DOCK4: variants seen among roughly 807,000 people sequenced by gnomAD.
DOCK4 encodes the protein dedicator of cytokinesis protein 4.
A neutral mutation model predicts 268.1 loss-of-function variants in DOCK4; 97 were observed. The ratio of observed to expected loss-of-function variants is 0.36; its 90% CI spans 0.31 to 0.43. The LOEUF is 0.43. Among genes scored for constraint, DOCK4 ranks in the 20% least tolerant of loss-of-function variants. DOCK4 has a pLI of 1.00. For synonymous variants in DOCK4, 954 were observed against 887.2 expected, an observed-to-expected ratio of 1.08 and a Z score of -1.34; for missense variants, 2,145 against 2,455.7, an observed-to-expected ratio of 0.87 and a Z score of 2.67.
At chr7:111,829,541 T>C (rs1802654518) in intron 26 of DOCK4, among the ~76,000 whole-genome samples, 1 of 152,204 alleles carries the variant, frequency 6.6e-6, no homozygotes, top group Non-Finnish European at 1.5e-5. Flanking sequence ...ATTATATTTA[T>C]TTACAAGAAT....
rs749475537 is a variant in DOCK4, at chr7:111,867,964, C to T, written c.2280+20G>A. 3.8e-6 allele frequency: 6 copies of T among 1,563,798 alleles called. No homozygotes were observed. In the Admixed American group the frequency reaches 1.2e-4, roughly 31 times the overall value. On this transcript the variant is annotated intron_variant, in intron 22 of 52. Transcript: ENST00000428084. ...GCACTTATCGTTTTCTTCTATTCAG[C>T]ATAGATGAAAAGAAATTACCTGTGA...
In DOCK4 at chr7:112,061,264, T is replaced by C. The variant is rs559368470; in HGVS notation, c.38-57133A>G. 5.9e-5 allele frequency among the ~76,000 whole-genome samples: 9 copies of C among 152,294 alleles called. No homozygotes were observed. In the East Asian group the frequency reaches 9.7e-4, roughly 16 times the overall value. ...CACAGAAGTGACTATTGCCCCCCAC[T>C]GCAAATAGCCTCATCCTGTCCCGGC... On this transcript the variant is annotated intron_variant, in intron 1 of 52. Transcript: ENST00000428084.
intron 23 of DOCK4, among the ~76,000 whole-genome samples, chr7:111,861,286 T>G (rs929424956): frequency 6.6e-6 from 1 of 152,146 alleles, no homozygotes; most frequent in Non-Finnish European, 1.5e-5. Flanking sequence ...GAACTTTCTT[T>G]TACATTGTTT....
chr7:111,775,254 A>G (rs1798371914), intron 36 of DOCK4, among the ~76,000 whole-genome samples: 1 of 152,204 alleles, frequency 6.6e-6, no homozygotes, highest in South Asian at 2.1e-4. Flanking sequence ...CTGGGAACAG[A>G]AGTACCATTT....
chr7:111,934,210 C>A (rs958325924), intron 12 of DOCK4, among the ~76,000 whole-genome samples: 1 of 152,152 alleles, frequency 6.6e-6, no homozygotes, highest in Non-Finnish European at 1.5e-5. Flanking sequence ...TAAGAACAAA[C>A]AATATTCACC....
chr7:112,145,921 C>T (rs1173531558), intron 1 of DOCK4, among the ~76,000 whole-genome samples: 4 of 152,086 alleles, frequency 2.6e-5, no homozygotes, highest in Non-Finnish European at 4.4e-5. Context: ...CATCTAACTT[C>T]GCTTAAACTG....
intron 8 of DOCK4, among the ~76,000 whole-genome samples, chr7:111,947,763 A>G (rs1275158302): frequency 2.6e-5 from 4 of 152,012 alleles, no homozygotes; most frequent in African/African-American, 9.7e-5. Context: ...TCACTCTTTC[A>G]CCCAGGCTAG....
At chr7:111,955,250 A>G (rs1796369829) in intron 8 of DOCK4, among the ~76,000 whole-genome samples, 2 of 152,266 alleles carry the variant, frequency 1.3e-5, no homozygotes, top group South Asian at 4.1e-4. Flanking sequence ...AAACTAAAGC[A>G]AAGTTAGAGT....
intron 1 of DOCK4, among the ~76,000 whole-genome samples, chr7:112,140,688 C>A (rs1437775817): frequency 6.8e-6 from 1 of 146,750 alleles, no homozygotes; most frequent in East Asian, 2.0e-4. Context: ...AAAAAACATA[C>A]ACGGAAGAAT....
chr7:111,767,227 CTT>C (rs372483378), intron 37 of DOCK4, 109 bp from the exon 38 acceptor site: 23,826 of 451,526 alleles, frequency 0.053, no homozygotes, highest in Middle Eastern at 0.072. Flanking sequence ...ACTCCTTAAT[CTT>C]TTTTTTTTTT....
At chr7:111,935,928 C>T (rs1409584409) in intron 11 of DOCK4, among the ~76,000 whole-genome samples, 1 of 152,182 alleles carries the variant, frequency 6.6e-6, no homozygotes, top group East Asian at 1.9e-4. Flanking sequence ...CAGGGGAAGG[C>T]AGCCCCAACT....
chr7:112,147,087 A>T (rs1815581127), intron 1 of DOCK4, among the ~76,000 whole-genome samples: 1 of 152,126 alleles, frequency 6.6e-6, no homozygotes, highest in Non-Finnish European at 1.5e-5. Flanking sequence ...ATTAATCCAG[A>T]TATTAAAATT....
intron 12 of DOCK4, among the ~76,000 whole-genome samples, chr7:111,927,478 C>T (rs1458945538): frequency 6.6e-6 from 1 of 152,224 alleles, no homozygotes; most frequent in East Asian, 1.9e-4. Flanking sequence ...AGAGGGGCTT[C>T]TCCACATTTG....
rs1379811499 is a variant in DOCK4 at position 111,728,061 on chromosome 7, T to G, written c.*213A>C. On this transcript the variant is annotated 3_prime_UTR_variant, in exon 53 of 53. Coordinates refer to ENST00000428084, the MANE Select transcript of DOCK4 (RefSeq NM_001363540.2). The stretch of plus-strand genomic sequence containing the variant: ...TTACCACTTCCAAATGAGAAACGTT[T>G]TAATGAAATTCAGCCATACTTCATT... The G allele has an allele frequency of 2.4e-6, 1 of 411,624 alleles. No homozygotes were observed. Among genetic ancestry groups the G allele is most frequent in the Non-Finnish European group, 4.2e-6 (1 of 237,748 alleles). The allele number at this position is 411,624 out of a possible 1,614,324, so 25.5% of individuals were successfully genotyped here.
In DOCK4 at chr7:111,903,104, A is replaced by G. The variant is rs554752232; in HGVS notation, c.1193-1303T>C. 6.6e-5 allele frequency among the ~76,000 whole-genome samples: 10 copies of G among 152,324 alleles called. No individual in the cohort carries two copies. In the East Asian group the frequency reaches 1.9e-3, roughly 29 times the overall value. ...ATGTCTACAATTGGGAGTTTTATAA[A>G]ACTTCTTCGTCAAAGTGTGCACAAG... On this transcript the variant is annotated intron_variant, in intron 13 of 52. Coordinates refer to ENST00000428084, the MANE Select transcript of DOCK4 (RefSeq NM_001363540.2).
At chr7:111,741,871 A>G (rs1282074178) in intron 45 of DOCK4, 142 bp downstream of exon 45, 3 of 1,308,124 alleles carry the variant, frequency 2.3e-6, no homozygotes, top group Non-Finnish European at 3.1e-6. Flanking sequence ...AGACAAGGCA[A>G]TTGTATTTGA....
chr7:111,889,139 A>G (rs1394993056), intron 16 of DOCK4, among the ~76,000 whole-genome samples: 1 of 152,016 alleles, frequency 6.6e-6, no homozygotes, highest in Non-Finnish European at 1.5e-5. Flanking sequence ...TTTTCCCCCC[A>G]CTGTTCAGCT....
chr7:112,007,263 C>T (rs542925079), intron 1 of DOCK4, among the ~76,000 whole-genome samples: 5 of 152,158 alleles, frequency 3.3e-5, no homozygotes, highest in African/African-American at 1.2e-4. Flanking sequence ...ATTTCTCATT[C>T]ATCTTTCAAG....
At chr7:112,012,373 A>T (rs920635689) in intron 1 of DOCK4, among the ~76,000 whole-genome samples, 3 of 152,090 alleles carry the variant, frequency 2.0e-5, no homozygotes, top group African/African-American at 7.2e-5. Context: ...TGGCAATGAG[A>T]CTGATAAGGA....
Sources: allele counts gnomAD v4.1 joint callset (sites outside exome capture counted in the v4.1 genomes callset), GRCh38; gene constraint gnomAD v4.1.1; transcripts MANE v1.5; gene names NCBI Gene and HGNC (gene_info 2026-07-23, HGNC 2026-07-21).